Variants in BLTP1 observed in about 807,000 individuals in gnomAD.
The protein encoded by BLTP1 is fragile site-associated protein.
the BLTP1 span, among the ~76,000 whole-genome samples, chr4:122,350,782 C>T: frequency 6.6e-6 from 1 of 152,098 alleles, no homozygotes; most frequent in Non-Finnish European, 1.5e-5. Context: ...TCGGGGGATA[C>T]TGAGTCCAAA....
the BLTP1 span, chr4:122,197,358 C>T: frequency 2.6e-5 from 28 of 1,065,576 alleles, no homozygotes; most frequent in Non-Finnish European, 3.4e-5. Context: ...CTTAGACTAA[C>T]ATTAATAAGG....
At chr4:122,170,480 A>C in the BLTP1 span, 3 of 1,297,504 alleles carry the variant, frequency 2.3e-6, no homozygotes, top group Non-Finnish European at 3.0e-6. Flanking sequence ...GTATTTTTGC[A>C]TTCTCATCAT....
At chr4:122,305,067 A>T in the BLTP1 span, 1 of 1,311,946 alleles carries the variant, frequency 7.6e-7, no homozygotes, top group East Asian at 2.7e-5. Flanking sequence ...ATGTATTATT[A>T]TATTTACAAA....
At chr4:122,215,684 T>A in the BLTP1 span, 773 of 528,160 alleles carry the variant, frequency 1.5e-3, 8 homozygotes, top group African/African-American at 0.015. Context: ...CTTTAAGTTT[T>A]GTTTGTTTGT....
the BLTP1 span, chr4:122,325,486 T>C: frequency 1.0e-6 from 1 of 984,990 alleles, no homozygotes; most frequent in Non-Finnish European, 1.2e-6. Flanking sequence ...ACTGCCCTTA[T>C]AACATTTTCT....
chr4:122,214,258 A>G, the BLTP1 span: 4 of 941,278 alleles, frequency 4.2e-6, no homozygotes, highest in Non-Finnish European at 5.1e-6. Flanking sequence ...AGGTGACAAG[A>G]CACTCATATA....
chr4:122,221,860 G>T, the BLTP1 span: 1 of 983,120 alleles, frequency 1.0e-6, no homozygotes, highest in Non-Finnish European at 1.2e-6. Flanking sequence ...GACTATCCCT[G>T]GTTTTTTATG....
the BLTP1 span, chr4:122,164,425 T>C: frequency 4.1e-6 from 4 of 985,178 alleles, no homozygotes; most frequent in Non-Finnish European, 4.8e-6. Flanking sequence ...CTGCTTCTCC[T>C]TCCCCCAGAA....
At chr4:122,272,961 T>C in the BLTP1 span, among the ~76,000 whole-genome samples, 18 of 152,202 alleles carry the variant, frequency 1.2e-4, no homozygotes, top group South Asian at 3.5e-3. Context: ...TTGCCAGATA[T>C]GGTCAGATGC....
chr4:122,251,560 A>G, the BLTP1 span: 1 of 984,078 alleles, frequency 1.0e-6, no homozygotes, highest in African/African-American at 1.7e-5. Context: ...ATTTAAAAAT[A>G]CAATAGCTAC....
chr4:122,193,678 A>G, the BLTP1 span: 2 of 924,610 alleles, frequency 2.2e-6, no homozygotes, highest in Non-Finnish European at 2.6e-6. Flanking sequence ...TAGTTTTTCT[A>G]TTCATGAACT....
chr4:122,297,108 A>T, the BLTP1 span, among the ~76,000 whole-genome samples: 4 of 152,246 alleles, frequency 2.6e-5, 1 homozygote, highest in South Asian at 6.2e-4. Context: ...CTGCACAGCA[A>T]AAGAAACTAC....
the BLTP1 span, among the ~76,000 whole-genome samples, chr4:122,214,922 T>G: frequency 6.6e-6 from 1 of 152,124 alleles, no homozygotes; most frequent in Non-Finnish European, 1.5e-5. Flanking sequence ...TTTCAGTTAA[T>G]TCTTAGGAAA....
chr4:122,354,909 C>T, the BLTP1 span, among the ~76,000 whole-genome samples: 1 of 152,062 alleles, frequency 6.6e-6, no homozygotes, highest in Non-Finnish European at 1.5e-5. Flanking sequence ...TCGTGATACA[C>T]CCGCCTCAGC....
At chr4:122,207,529 T>TTTTTTTTTG in the BLTP1 span, 3 of 1,551,864 alleles carry the variant, frequency 1.9e-6, no homozygotes, top group Admixed American at 2.2e-5. Flanking sequence ...TTTTTTTTTT[T>TTTTTTTTTG]TTCTTTTGTA....
At chr4:122,177,188 C>G in the BLTP1 span, among the ~76,000 whole-genome samples, 1 of 152,292 alleles carries the variant, frequency 6.6e-6, no homozygotes, top group African/African-American at 2.4e-5. Flanking sequence ...TCCATCTTAT[C>G]AACAGCAAGT....
chr4:122,354,125 AT>A, the BLTP1 span: 1 of 959,236 alleles, frequency 1.0e-6, no homozygotes, highest in African/African-American at 1.7e-5. Flanking sequence ...TCCTTAAACA[AT>A]TTTCATTTTA....
chr4:122,316,810 A>G, the BLTP1 span: 1 of 1,613,212 alleles, frequency 6.2e-7, no homozygotes, highest in Non-Finnish European at 8.5e-7. Context: ...TATGAAGCGT[A>G]TAGTGGATAT....
the BLTP1 span, chr4:122,347,439 T>C: frequency 1.3e-6 from 2 of 1,494,426 alleles, no homozygotes; most frequent in Admixed American, 2.1e-5. Flanking sequence ...TTAGAAATGA[T>C]GGATGGGTGA....
Sources: allele counts gnomAD v4.1 joint callset (sites outside exome capture counted in the v4.1 genomes callset), GRCh38; gene constraint gnomAD v4.1.1; transcripts MANE v1.5; gene names NCBI Gene and HGNC (gene_info 2026-07-23, HGNC 2026-07-21).